Variants in TRIM68 observed in about 807,000 individuals in gnomAD.
TRIM68 encodes the protein tripartite motif containing 68.
In TRIM68, 36 loss-of-function variants were observed where a neutral mutation model predicts 41.9. The ratio of observed to expected loss-of-function variants is 0.86; its 90% confidence interval spans 0.66 to 1.14. The LOEUF is 1.14. TRIM68 is among the 50% of genes most tolerant of loss of function. The pLI is 0.00. For synonymous variants in TRIM68, 225 were observed against 224.6 expected, an observed-to-expected ratio of 1.00 and a Z score of -0.02; for missense variants, 632 against 605.1, an observed-to-expected ratio of 1.04 and a Z score of -0.47.
chr11:4,606,557 A>G (rs1846572841), intron 1 of TRIM68, among the ~76,000 whole-genome samples: 1 of 152,230 alleles, frequency 6.6e-6, no homozygotes, highest in Non-Finnish European at 1.5e-5. Context: ...TAGTTCCTAA[A>G]CCCAAAATCC....
chr11:4,606,661 G>A (rs150447527), intron 1 of TRIM68, among the ~76,000 whole-genome samples: 2,200 of 152,314 alleles, frequency 0.014, 42 homozygotes, highest in African/African-American at 0.049. Flanking sequence ...ACTGTTCTGA[G>A]CACTTTACAT....
chr11:4,601,878 T>G (rs774429232), intron 4 of TRIM68, 192 bp from the exon 5 acceptor site: 220 of 779,084 alleles, frequency 2.8e-4, no homozygotes, highest in Middle Eastern at 2.0e-3. Context: ...CTGGCCAATT[T>G]CAGGCTCCAT....
At position 4,605,176 on chromosome 11, in the gene TRIM68, T is replaced by C; in HGVS notation, c.329A>G (p.Lys110Arg). 9 of 1,614,242 alleles carry C rather than the reference T, an allele frequency of 5.6e-6. No individual in the cohort carries two copies. The highest frequency in any genetic ancestry group is 7.6e-6 in the Non-Finnish European group (9 of 1,180,034). The change falls in exon 2 of 7, where the codon AAA becomes AGA. Residue 110 changes from lysine to arginine, a missense_variant. Lys to Arg is a conservative substitution (Grantham distance 26). Coordinates refer to ENST00000300747, the MANE Select transcript of TRIM68 (RefSeq NM_018073.8). ...RHGEKLKMFC[K>R]EDVLIMCEAC... ...CTCACACATTATCAAGACATCCTCT[T>C]TGCAGAACATCTTCAGCTTTTCCCC...
At position 4,602,381 on chromosome 11, in the gene TRIM68, A is replaced by G; in HGVS notation, c.554T>C (p.Val185Ala). 1 of 1,613,890 alleles carries G rather than the reference A, an allele frequency of 6.2e-7. No homozygotes were observed. The highest frequency in any genetic ancestry group is 8.5e-7 in the Non-Finnish European group (1 of 1,179,998). Reference sequence around the variant, plus strand: ...TCGCTGGTATTTTTCAAACTCCCATACAATACTCTGTTTTCGGGTTTCCAC... The same window carrying G: ...TCGCTGGTATTTTTCAAACTCCCATGCAATACTCTGTTTTCGGGTTTCCAC... ...IQVETRKQSI[V>A]WEFEKYQRLL... is the part of the protein sequence containing the mutation. Residue 185 changes from valine to alanine, a missense_variant, in exon 4 of 7, where the codon GTA becomes GCA. Val to Ala is a moderately conservative substitution (Grantham distance 64). Coordinates refer to ENST00000300747, the MANE Select transcript of TRIM68 (RefSeq NM_018073.8).
Position 4,601,023 on chromosome 11 carries a change from T to C in TRIM68, c.907+4A>G, listed in dbSNP as rs770767858. Reference sequence around the variant, plus strand: ...CCACTACAGTCTCCCCCAGGATCCATTACCTGCATAAGTCTTCAGGATCTC... The same window carrying C: ...CCACTACAGTCTCCCCCAGGATCCACTACCTGCATAAGTCTTCAGGATCTC... On this transcript the variant is annotated splice_donor_region_variant and intron_variant, in intron 6 of 6. Coordinates refer to ENST00000300747, the MANE Select transcript of TRIM68 (RefSeq NM_018073.8). The C allele has an allele frequency of 8.7e-6, 14 of 1,613,310 alleles. No homozygotes were observed. In the East Asian group the frequency reaches 3.1e-4, roughly 36 times the overall value.
rs1321164247 is a variant in TRIM68, at chr11:4,601,280, T to C, written c.807-153A>G. 1.2e-4 allele frequency: 77 copies of C among 668,054 alleles called. 2 individuals carry two copies. The South Asian group carries it at 1.3e-3, about 11-fold the overall frequency. 41.4% of individuals were successfully genotyped at this position (668,054 alleles called of 1,614,324 possible). On this transcript the variant is annotated intron_variant, in intron 5 of 6. Transcript: ENST00000300747. ...ACGGTTATTTGGCTGAGCCTCAAGC[T>C]GTTTGTGTGCAGAGGTGAGAACACC...
intron 4 of TRIM68, 36 bp from the exon 5 acceptor site, chr11:4,601,722 G>A: frequency 1.2e-6 from 2 of 1,612,192 alleles, no homozygotes; most frequent in South Asian, 1.1e-5. Context: ...ATCTGAGTAA[G>A]TGCTATTCCT....
rs1215200820 is a variant in TRIM68, at chr11:4,600,980, A to G, written c.907+47T>C. On this transcript the variant is annotated intron_variant, in intron 6 of 6. Coordinates refer to ENST00000300747, the MANE Select transcript of TRIM68 (RefSeq NM_018073.8). ...CACTGAACCATTTTCTATCTCTGGGAGGGGTCCCTCCCACTGTCCACTACA... is the reference window on the plus strand; with the variant it reads ...CACTGAACCATTTTCTATCTCTGGGGGGGGTCCCTCCCACTGTCCACTACA... 3 of 1,593,340 alleles carry G rather than the reference A, an allele frequency of 1.9e-6. No homozygotes were observed. The African/African-American group carries it at 4.0e-5, about 21-fold the overall frequency.
chr11:4,603,983 T>G (rs1471681280), intron 2 of TRIM68, among the ~76,000 whole-genome samples: 1 of 152,224 alleles, frequency 6.6e-6, no homozygotes, highest in Non-Finnish European at 1.5e-5. Context: ...AATATGCATG[T>G]GATACTTACA....
In TRIM68 at chr11:4,605,129, G is replaced by C. The variant is rs1293221816; in HGVS notation, c.376C>G (p.His126Asp). Residue 126 changes from histidine (H) to aspartate (D), a missense_variant, in exon 2 of 7, where the codon CAT becomes GAT. His to Asp is a moderately conservative substitution (Grantham distance 81). Coordinates refer to ENST00000300747, the MANE Select transcript of TRIM68 (RefSeq NM_018073.8). ...ATTGGCACAACACTGTGGGCCTCAT[G>C]CTCTGGGGACTGGCTGCAGGCCTCA... is the stretch of plus-strand genomic sequence containing the variant. ...MCEACSQSPE[H>D]EAHSVVPMED... The C allele has an allele frequency of 6.2e-7, 1 of 1,614,122 alleles. No individual in the cohort carries two copies. The highest frequency in any genetic ancestry group is 8.5e-7 in the Non-Finnish European group (1 of 1,180,060).
At position 4,605,228 on chromosome 11, in the gene TRIM68, G is replaced by T. The variant is rs1846551131; in HGVS notation, c.277C>A (p.Leu93Met). The change falls in exon 2 of 7, where the codon CTG becomes ATG. Residue 93 changes from leucine to methionine, a missense_variant. Physicochemically the swap from Leu to Met is conservative, Grantham distance 15 (BLOSUM62 2). Transcript: ENST00000300747. ...RLLRLHPGMG[L>M]KGDLCERHGE... ...TGGCGCTCACACAGGTCACCCTTCAGCCCCATTCCTGGATGTAGCCTTAGC... is the reference window on the plus strand; with the variant it reads ...TGGCGCTCACACAGGTCACCCTTCATCCCCATTCCTGGATGTAGCCTTAGC... 3 of 1,614,232 alleles carry T rather than the reference G, an allele frequency of 1.9e-6. No homozygotes were observed. Among genetic ancestry groups the T allele is most frequent in the Middle Eastern group, 1.6e-4 (1 of 6,062 alleles).
rs889769840 is a variant in TRIM68, at chr11:4,601,100, T to C, written c.834A>G (p.Pro278=). Reference sequence around the variant, plus strand: ...TCTTCAACTCCAGGGAGATTGGTTCTGGCTGCTGCAAGCTCCAAGATTTGC... The same window carrying C: ...TCTTCAACTCCAGGGAGATTGGTTCCGGCTGCTGCAAGCTCCAAGATTTGC... ...NRSKSWSLQQ[P]EPISLELKTD... Residue 278 remains proline, a synonymous_variant, in exon 6 of 7, where the codon CCA becomes CCG. Coordinates refer to ENST00000300747, the MANE Select transcript of TRIM68 (RefSeq NM_018073.8). The C allele has an allele frequency of 2.1e-5, 34 of 1,614,228 alleles. No individual in the cohort carries two copies. Among genetic ancestry groups the C allele is most frequent in the East Asian group, 1.8e-4 (8 of 44,882 alleles).
At chr11:4,604,691 T>C (rs1353124384) in intron 2 of TRIM68, among the ~76,000 whole-genome samples, 1 of 152,228 alleles carries the variant, frequency 6.6e-6, no homozygotes, top group African/African-American at 2.4e-5. Flanking sequence ...AATGACTACT[T>C]GCAGCACTGC....
Position 4,600,550 on chromosome 11 carries a change from A to T in TRIM68, c.1184T>A (p.Val395Glu), listed in dbSNP as rs779427611. The T allele has an allele frequency of 6.8e-6, 11 of 1,613,832 alleles. No individual in the cohort carries two copies. The highest frequency in any genetic ancestry group is 8.5e-7 in the Non-Finnish European group (1 of 1,179,998). ...VYLSPHYGFWVIRLRKGNEYR... is the reference protein window; with the variant it reads ...VYLSPHYGFWEIRLRKGNEYR... ...CTCATTTCCCTTCCTCAGCCTTATC[A>T]CCCAGAATCCATAGTGGGGGGATAA... The change falls in exon 7 of 7, where the codon GTG (valine) becomes GAG (glutamate). Residue 395 changes from valine to glutamate, a missense_variant. Transcript: ENST00000300747.
chr11:4,600,849 G>A, intron 6 of TRIM68, 23 bp from the exon 7 acceptor site: 1 of 1,603,510 alleles, frequency 6.2e-7, no homozygotes, highest in South Asian at 1.1e-5. Context: ...GTCCTGGTTG[G>A]TAACAGTGAT....
In TRIM68 at chr11:4,601,054, G is replaced by T. The variant is rs1846481503; in HGVS notation, c.880C>A (p.Leu294Ile). ...GCATAAGTCTTCAGGATCTCTCTTA[G>T]CCCCAGCACACGGCAATCTGTCTTC... ...ELKTDCRVLG[L>I]REILKTYAAD... The change falls in exon 6 of 7, where the codon CTA (leucine) becomes ATA (isoleucine). Residue 294 changes from leucine (L) to isoleucine (I), a missense_variant. By Grantham distance (5) the Leu-to-Ile change is conservative. Transcript: ENST00000300747. The T allele has an allele frequency of 6.2e-7, 1 of 1,614,020 alleles. No homozygotes were observed. Among genetic ancestry groups the T allele is most frequent in the African/African-American group, 1.3e-5 (1 of 74,898 alleles).
intron 2 of TRIM68, among the ~76,000 whole-genome samples, chr11:4,604,594 C>A (rs1846541091): frequency 6.6e-6 from 1 of 152,190 alleles, no homozygotes. Context: ...GTTCTTTCCA[C>A]CTCTAAAATA....
In TRIM68 at chr11:4,600,019, G is replaced by C. The variant is rs935462907; in HGVS notation, c.*257C>G. On this transcript the variant is annotated 3_prime_UTR_variant, in exon 7 of 7. Coordinates refer to ENST00000300747, the MANE Select transcript of TRIM68 (RefSeq NM_018073.8). ...TACCCCAACGAGTCACCTTAGAACT[G>C]CTCTGATCCTCACCATCAGCCCTGT... 13 of 431,984 alleles carry C rather than the reference G, an allele frequency of 3.0e-5. No homozygotes were observed. The highest frequency in any genetic ancestry group is 4.5e-5 in the Non-Finnish European group (11 of 242,106). The allele number at this position is 431,984 out of a possible 1,614,324, so 26.8% of individuals were successfully genotyped here.
intron 1 of TRIM68, 59 bp from the exon 2 acceptor site, chr11:4,605,620 C>A: frequency 9.8e-7 from 1 of 1,023,964 alleles, no homozygotes; most frequent in South Asian, 1.7e-5. Flanking sequence ...ACAGAGAGAT[C>A]AGTAACAGGA....
Sources: allele counts gnomAD v4.1 joint callset (sites outside exome capture counted in the v4.1 genomes callset), GRCh38; gene constraint gnomAD v4.1.1; transcripts MANE v1.5; gene names NCBI Gene and HGNC (gene_info 2026-07-23, HGNC 2026-07-21).